TNRC18: variants seen among roughly 807,000 people sequenced by gnomAD.
TNRC18 encodes the protein trinucleotide repeat containing 18.
TNRC18 carries 69 observed loss-of-function variants against 226.7 expected under a neutral mutation model. That is an observed-to-expected ratio of 0.30 (90% CI 0.25 to 0.37). The LOEUF (loss-of-function observed/expected upper bound fraction) is 0.37, where lower values mean the gene tolerates loss of function less well. Among genes scored for constraint, TNRC18 ranks in the 10% least tolerant of loss-of-function variants. The pLI is 1.00. For missense variants in TNRC18, 4,754 were observed against 4,256.6 expected, an observed-to-expected ratio of 1.12 and a Z score of -3.25; for synonymous variants, 2,449 against 1,927.6, an observed-to-expected ratio of 1.27 and a Z score of -7.09.
At chr7:5,407,458 T>A (rs1382161661) in intron 2 of TNRC18, 3 of 152,014 alleles carry the variant, frequency 2.0e-5, no homozygotes, top group African/African-American at 7.3e-5. Context: ...CGGAAAGCCA[T>A]CCCTGACTTC....
At chr7:5,372,367 G>A (rs1358587882) in intron 10 of TNRC18, among the ~76,000 whole-genome samples, 2 of 151,498 alleles carry the variant, frequency 1.3e-5, no homozygotes, top group African/African-American at 4.8e-5. Context: ...GTGAGCCACT[G>A]TGCCCGGCCG....
At chr7:5,380,501 G>A (rs1779324565) in intron 5 of TNRC18, among the ~76,000 whole-genome samples, 1 of 152,208 alleles carries the variant, frequency 6.6e-6, no homozygotes, top group African/African-American at 2.4e-5. Flanking sequence ...ACCCAGAGAG[G>A]GGCACAGCCA....
At chr7:5,406,399 T>G (rs189575801) in intron 2 of TNRC18, among the ~76,000 whole-genome samples, 26 of 152,094 alleles carry the variant, frequency 1.7e-4, no homozygotes, top group African/African-American at 4.6e-4. Context: ...AAGGCGGAGG[T>G]TGCAGTGAGC....
intron 18 of TNRC18, 85 bp from the exon 19 acceptor site, chr7:5,333,134 C>T: frequency 6.9e-7 from 1 of 1,450,552 alleles, no homozygotes; most frequent in Non-Finnish European, 9.3e-7. Flanking sequence ...CATTCCTCCC[C>T]GGCGGGACCT....
intron 25 of TNRC18, 91 bp from the exon 26 acceptor site, chr7:5,315,239 G>A: frequency 2.2e-6 from 3 of 1,390,214 alleles, no homozygotes; most frequent in Non-Finnish European, 2.9e-6. Flanking sequence ...ATCAGGGATG[G>A]GGGCGGAAGC....
chr7:5,411,215 C>CAAAAAAAAAAAA (rs35392221), intron 2 of TNRC18, among the ~76,000 whole-genome samples: 9 of 75,968 alleles, frequency 1.2e-4, no homozygotes, highest in Non-Finnish European at 1.5e-4. Flanking sequence ...GACTCCATCT[C>CAAAAAAAAAAAA]AAAAAAAAAA....
In TNRC18 at chr7:5,361,714, C is replaced by T. The variant is rs370392945; in HGVS notation, c.4541G>A (p.Arg1514His). The T allele has an allele frequency of 3.6e-5, 57 of 1,565,652 alleles. No homozygotes were observed. The South Asian group carries it at 4.6e-4, about 13-fold the overall frequency. Residue 1514 changes from arginine to histidine, a missense_variant, in exon 14 of 30, where the codon CGC becomes CAC. By Grantham distance (29) the Arg-to-His change is conservative. Coordinates refer to ENST00000430969, the MANE Select transcript of TNRC18 (RefSeq NM_001080495.3). Reference sequence around the variant, plus strand: ...TGCCAAGCTTCTATGGGGTTCCTCGCGCCTGTCCCTTAAAAAGAATCACAC... The same window carrying T: ...TGCCAAGCTTCTATGGGGTTCCTCGTGCCTGTCCCTTAAAAAGAATCACAC... The part of the protein sequence containing the change: ...LQRRRDSEDR[R>H]EEPHRSLARR...
rs1437792297 is a variant in TNRC18, at chr7:5,388,838, C to A, written c.986G>T (p.Arg329Leu). Residue 329 changes from arginine to leucine, a missense_variant, in exon 5 of 30, where the codon CGC becomes CTC. Arg to Leu is a moderately radical substitution (Grantham distance 102). Transcript: ENST00000430969. ...RRTETLLPGPRPCPSPLPPPP... is the reference protein window; with the variant it reads ...RRTETLLPGPLPCPSPLPPPP... ...CGGGGGCAGCGGTGAGGGGCAGGGG[C>A]GCGGCCCAGGGAGCAGGGTCTCCGT... 3 of 1,215,928 alleles carry A rather than the reference C, an allele frequency of 2.5e-6. No individual in the cohort carries two copies. Among genetic ancestry groups the A allele is most frequent in the South Asian group, 2.3e-5 (1 of 42,772 alleles). 75.3% of individuals were successfully genotyped at this position (1,215,928 alleles called of 1,614,324 possible).
rs1158646112 is a variant in TNRC18, at chr7:5,387,929, C to T, written c.1895G>A (p.Arg632Gln). The T allele has an allele frequency of 1.9e-6, 3 of 1,596,114 alleles. No homozygotes were observed. Among genetic ancestry groups the T allele is most frequent in the Non-Finnish European group, 2.6e-6 (3 of 1,172,452 alleles). The change falls in exon 5 of 30, where the codon CGA (arginine) becomes CAA (glutamine). Residue 632 changes from arginine (R) to glutamine (Q), a missense_variant. Transcript: ENST00000430969. ...EPAPTSAGAS[R>Q]AQARLPHSGG... ...GGAGTGTGGGAGACGGGCCTGGGCT[C>T]GGGAGGCACCCGCAGAGGTGGGCGC...
intron 2 of TNRC18, among the ~76,000 whole-genome samples, chr7:5,406,254 G>A (rs60277679): frequency 0.011 from 1,597 of 151,854 alleles, 35 homozygotes; most frequent in African/African-American, 0.037. Context: ...TTCGAAGTCA[G>A]GAGTTGGAGA....
chr7:5,359,917 CCAGGATGG>C (rs1428204404), intron 14 of TNRC18, among the ~76,000 whole-genome samples: 1 of 152,076 alleles, frequency 6.6e-6, no homozygotes, highest in African/African-American at 2.4e-5. Flanking sequence ...AGGAAATCCA[CCAGGATGG>C]CAGGGGGAGT....
At chr7:5,337,419 G>A (rs1398858358) in intron 18 of TNRC18, among the ~76,000 whole-genome samples, 2 of 151,784 alleles carry the variant, frequency 1.3e-5, no homozygotes, top group Non-Finnish European at 2.9e-5. Flanking sequence ...AGAAGGCGGA[G>A]GTTGCAGTAA....
chr7:5,394,451 TG>T lies in TNRC18; in HGVS notation c.331del (p.His111ThrfsTer20). ...NLPMVQLWAAHAHEGFSHLPS... is the reference protein window; with the variant it reads ...NLPMVQLWAAXAHEGFSHLPS... ...GGCATGTTCCTTACCTTCATGGGCG[TG>T]GGCGGCCCACAGCTGCACCATGGGC... is the stretch of plus-strand genomic sequence containing the variant. On this transcript the variant is annotated frameshift_variant, in exon 3 of 30. Transcript: ENST00000430969. LOFTEE classifies it high-confidence loss of function. The surrounding 1 kb of genome is among the most constrained non-coding windows in gnomAD (Gnocchi z 4.5). 6.5e-7 allele frequency: 1 copy of T among 1,545,870 alleles called. No individual in the cohort carries two copies. The highest frequency in any genetic ancestry group is 1.4e-5 in the African/African-American group (1 of 72,322).
chr7:5,366,690 G>A (rs1242116045), intron 11 of TNRC18, among the ~76,000 whole-genome samples: 1 of 152,138 alleles, frequency 6.6e-6, no homozygotes, highest in East Asian at 1.9e-4. Context: ...CCCAAAGGTT[G>A]ATGTTAGATT....
chr7:5,376,193 G>A lies in TNRC18; in HGVS notation c.2640C>T (p.Pro880=), dbSNP rs756397792. 4.6e-5 allele frequency: 70 copies of A among 1,535,008 alleles called. No homozygotes were observed. Among genetic ancestry groups the A allele is most frequent in the Admixed American group, 6.3e-5 (3 of 47,786 alleles). The change falls in exon 9 of 30, where the codon CCC becomes CCT. Residue 880 remains proline, a synonymous_variant. Coordinates refer to ENST00000430969, the MANE Select transcript of TNRC18 (RefSeq NM_001080495.3). ...CCGGCGGGTACAGGGCGGGCCAGAG[G>A]GGCGGTACGGTGGCCCGCTCCATCA... The part of the protein sequence containing the change: ...AELMERATVP[P]LWPALYPPGR...
intron 18 of TNRC18, among the ~76,000 whole-genome samples, chr7:5,336,750 C>CA (rs1338996415): frequency 6.6e-6 from 1 of 151,882 alleles, no homozygotes; most frequent in Non-Finnish European, 1.5e-5. Flanking sequence ...TCAAACAACA[C>CA]AAAGAAATTA....
At chr7:5,396,447 A>T (rs1780697580) in intron 2 of TNRC18, among the ~76,000 whole-genome samples, 1 of 152,292 alleles carries the variant, frequency 6.6e-6, no homozygotes, top group East Asian at 1.9e-4. Context: ...GGTTGAGCCC[A>T]GGAGCTGGGA....
chr7:5,405,635 C>G (rs1014432002), intron 2 of TNRC18, among the ~76,000 whole-genome samples: 1 of 150,882 alleles, frequency 6.6e-6, no homozygotes, highest in African/African-American at 2.4e-5. Context: ...CCCAGCTACG[C>G]GGGAGGTTGA....
intron 25 of TNRC18, among the ~76,000 whole-genome samples, chr7:5,315,704 G>T (rs181073957): frequency 3.9e-5 from 6 of 152,206 alleles, no homozygotes; most frequent in African/African-American, 1.2e-4. Context: ...TTACAGGCGT[G>T]AGCCACCGCA....
Sources: allele counts gnomAD v4.1 joint callset (sites outside exome capture counted in the v4.1 genomes callset), GRCh38; gene constraint gnomAD v4.1.1; non-coding constraint Gnocchi (gnomAD v3.1); transcripts MANE v1.5; gene names NCBI Gene and HGNC (gene_info 2026-07-23, HGNC 2026-07-21).